The following PTBP1 variants were observed in gnomAD, a reference collection of about 807,000 sequenced individuals.
PTBP1 encodes the protein polypyrimidine tract binding protein 1, also known as polypyrimidine tract-binding protein 1.
Under a neutral mutation model 59.8 loss-of-function variants are expected in PTBP1, and 8 were observed. The ratio of observed to expected loss-of-function variants is 0.13; its 90% CI spans 0.08 to 0.24. The LOEUF is 0.24. PTBP1 is among the 10% of genes least tolerant of loss of function. The probability of loss-of-function intolerance (pLI) is 1.00; values close to 1 mark genes in which losing one functional copy is unlikely to be tolerated. For synonymous variants in PTBP1, 490 were observed against 320.7 expected (o/e 1.53, Z -5.64); for missense variants, 686 against 767.0 (o/e 0.89, Z 1.25).
chr19:804,113 A>C lies in PTBP1; in HGVS notation c.193A>C (p.Lys65Gln), dbSNP rs1290662477. The C allele has an allele frequency of 6.2e-7, 1 of 1,613,896 alleles. No individual in the cohort carries two copies. Among genetic ancestry groups the C allele is most frequent in the East Asian group, 2.2e-5 (1 of 44,882 alleles). Residue 65 changes from lysine (K) to glutamine (Q), a missense_variant, in exon 4 of 15, where the codon AAG becomes CAG. By Grantham distance (53) the Lys-to-Gln change is moderately conservative (BLOSUM62 1). Transcript: ENST00000356948. ...GVPSRVIHIRKLPIDVTEGEV... is the reference protein window; with the variant it reads ...GVPSRVIHIRQLPIDVTEGEV... Reference sequence around the variant, plus strand: ...CCCCTCTAGAGTGATCCACATCCGGAAGCTCCCCATCGACGTCACGGAGGG... The same window carrying C: ...CCCCTCTAGAGTGATCCACATCCGGCAGCTCCCCATCGACGTCACGGAGGG...
intron 1 of PTBP1, among the ~76,000 whole-genome samples, chr19:798,873 T>C (rs1206568389): frequency 6.6e-6 from 1 of 152,230 alleles, no homozygotes; most frequent in South Asian, 2.1e-4. Context: ...GGCTGTGTTC[T>C]GGTCGGTCTG....
intron 10 of PTBP1, 82 bp downstream of exon 10, chr19:806,638 C>G (rs774101777): frequency 7.5e-7 from 1 of 1,337,522 alleles, no homozygotes; most frequent in African/African-American, 1.6e-5. Context: ...GGTCCCGGAG[C>G]AGCGCCGCCC....
At chr19:806,186 G>C (rs933904973) in intron 9 of PTBP1, 5 of 481,640 alleles carry the variant, frequency 1.0e-5, no homozygotes, top group Middle Eastern at 5.4e-4. Context: ...GCCCAGGCCC[G>C]GCCCGGCCCG....
chr19:810,306 G>GAA (rs147256862), intron 13 of PTBP1, among the ~76,000 whole-genome samples: 20 of 150,348 alleles, frequency 1.3e-4, no homozygotes, highest in African/African-American at 2.4e-4. Flanking sequence ...ATTCCATCTG[G>GAA]AAAAAAAAAA....
chr19:806,135 C>CTTT (rs2034559545), intron 9 of PTBP1: 1 of 383,386 alleles, frequency 2.6e-6, no homozygotes, highest in Admixed American at 4.7e-5. Flanking sequence ...GCTGGCGGAG[C>CTTT]CGGAGCTTTT....
intron 13 of PTBP1, among the ~76,000 whole-genome samples, chr19:809,788 G>A (rs566958698): frequency 1.1e-3 from 172 of 152,270 alleles, no homozygotes; most frequent in Middle Eastern, 6.8e-3. Context: ...CAGCTCTTCC[G>A]GATTGGGAGG....
In PTBP1 at chr19:805,696, C is replaced by T. The variant is rs556190235; in HGVS notation, c.970+127C>T. 1.6e-4 allele frequency: 133 copies of T among 809,624 alleles called. 1 individual carries two copies. Among genetic ancestry groups the T allele is most frequent in the South Asian group, 1.5e-3 (101 of 67,120 alleles). 50.2% of individuals were successfully genotyped at this position (809,624 alleles called of 1,614,324 possible). A position where few individuals can be genotyped will look rare whatever the true frequency, so the allele number is the denominator to read the frequency against. On this transcript the variant is annotated intron_variant, in intron 9 of 14. Coordinates refer to ENST00000356948, the MANE Select transcript of PTBP1 (RefSeq NM_002819.5). ...CGAGTGCCAGGTCAGGGGCCCTTCCCGGGAGAGGGGACGCCACGTCCACAG... is the reference window on the plus strand; with the variant it reads ...CGAGTGCCAGGTCAGGGGCCCTTCCTGGGAGAGGGGACGCCACGTCCACAG...
rs144356088 is a variant in PTBP1 at position 811,930 on chromosome 19, TCTC to T, written c.*1105_*1107del. The T allele has an allele frequency of 0.39, 58,886 of 152,100 alleles. 11,659 individuals are homozygous for T. The highest frequency in any genetic ancestry group is 0.48 in the South Asian group (2,316 of 4,824). 9.4% of individuals were successfully genotyped at this position (152,100 alleles called of 1,614,324 possible). ...CGGAAGGCGGGCGCTCCTCCTGTCTTCTCTGTGCTCTTTCTACCGCCCCCGCGT... is the reference window on the plus strand; with the variant it reads ...CGGAAGGCGGGCGCTCCTCCTGTCTTTGTGCTCTTTCTACCGCCCCCGCGT... On this transcript the variant is annotated 3_prime_UTR_variant, in exon 15 of 15. Coordinates refer to ENST00000356948, the MANE Select transcript of PTBP1 (RefSeq NM_002819.5).
At chr19:797,712 C>A (rs2034132820) in intron 1 of PTBP1, among the ~76,000 whole-genome samples, 1 of 148,948 alleles carries the variant, frequency 6.7e-6, no homozygotes, top group Admixed American at 6.7e-5. Flanking sequence ...ATCCCCCGTC[C>A]GGCCCGCTTC....
chr19:805,471 T>C (rs1450650843), intron 8 of PTBP1, 21 bp from the exon 9 acceptor site: 2 of 1,601,600 alleles, frequency 1.2e-6, no homozygotes, highest in Non-Finnish European at 1.7e-6. Flanking sequence ...GTGCGATGAT[T>C]AGTGTCTCAT....
rs1227625623 is a variant in PTBP1, at chr19:810,552, C to G, written c.1473C>G (p.Val491=). 1 of 1,613,542 alleles carries G rather than the reference C, an allele frequency of 6.2e-7. No individual in the cohort carries two copies. The highest frequency in any genetic ancestry group is 8.5e-7 in the Non-Finnish European group (1 of 1,179,858). ...CTTTCTCCTCCCACAGGCCCTCAGTCTCCGAGGAGGATCTCAAGGTCCTGT... is the reference window on the plus strand; with the variant it reads ...CTTTCTCCTCCCACAGGCCCTCAGTGTCCGAGGAGGATCTCAAGGTCCTGT... The part of the protein sequence containing the change: ...TLHLSNIPPS[V]SEEDLKVLFS... Residue 491 remains valine, a synonymous_variant, in exon 14 of 15, where the codon GTC becomes GTG. Transcript: ENST00000356948.
intron 1 of PTBP1, among the ~76,000 whole-genome samples, chr19:797,774 C>T (rs1049623458): frequency 2.2e-4 from 33 of 148,604 alleles, no homozygotes; most frequent in Non-Finnish European, 3.5e-4. Flanking sequence ...CGCCCCTCCC[C>T]CTCCGCGCGC....
At chr19:797,549 G>C in intron 1 of PTBP1, 44 bp downstream of exon 1, 1 of 1,435,452 alleles carries the variant, frequency 7.0e-7, no homozygotes, top group Non-Finnish European at 9.2e-7. Flanking sequence ...TCCCCGCGCC[G>C]CAGCCCTGCC....
Position 811,204 on chromosome 19 carries a change from C to G in PTBP1, c.*378C>G. On this transcript the variant is annotated 3_prime_UTR_variant, in exon 15 of 15. Transcript: ENST00000356948. ...GCAGCCACACACCCACCCGGGGTGT[C>G]CTGGGGACCCAAGGGGTGGGGGGGT... 6.1e-6 allele frequency: 1 copy of G among 164,190 alleles called. No homozygotes were observed. The highest frequency in any genetic ancestry group is 6.4e-5 in the Admixed American group (1 of 15,522). The allele number at this position is 164,190 out of a possible 1,614,324, so 10.2% of individuals were successfully genotyped here.
Position 811,031 on chromosome 19 carries a change from CTG to C in PTBP1, c.*208_*209del, listed in dbSNP as rs1280549475. ...CAGGGACAGCTCAGGCTCTTGGTGA[CTG>C]TGGCAGCGGGAGTTCCCGGCCCTCC... On this transcript the variant is annotated 3_prime_UTR_variant, in exon 15 of 15. Coordinates refer to ENST00000356948, the MANE Select transcript of PTBP1 (RefSeq NM_002819.5). The C allele has an allele frequency of 1.3e-5, 7 of 527,762 alleles. No homozygotes were observed. Among genetic ancestry groups the C allele is most frequent in the Middle Eastern group, 5.0e-4 (1 of 1,998 alleles). 32.7% of individuals were successfully genotyped at this position (527,762 alleles called of 1,614,324 possible).
intron 10 of PTBP1, 110 bp from the exon 11 acceptor site, chr19:807,759 A>G: frequency 1.3e-6 from 1 of 797,052 alleles, no homozygotes; most frequent in Admixed American, 2.2e-5. Flanking sequence ...TCCATCAACC[A>G]CTGCACGCCT....
At chr19:800,807 T>C (rs1429304977) in intron 2 of PTBP1, among the ~76,000 whole-genome samples, 1 of 152,222 alleles carries the variant, frequency 6.6e-6, no homozygotes, top group South Asian at 2.1e-4. Flanking sequence ...GTGGGCCTGC[T>C]TTCCAGCTGG....
At chr19:797,708 C>T (rs1032484291) in intron 1 of PTBP1, among the ~76,000 whole-genome samples, 4 of 149,176 alleles carry the variant, frequency 2.7e-5, no homozygotes, top group East Asian at 2.0e-4. Flanking sequence ...CCCCATCCCC[C>T]GTCCGGCCCG....
At position 803,604 on chromosome 19, in the gene PTBP1, C is replaced by T. The variant is rs1380614511; in HGVS notation, c.83C>T (p.Pro28Leu). 26 of 1,614,046 alleles carry T rather than the reference C, an allele frequency of 1.6e-5. No homozygotes were observed. Among genetic ancestry groups the T allele is most frequent in the East Asian group, 2.2e-5 (1 of 44,896 alleles). Residue 28 changes from proline to leucine, a missense_variant, in exon 3 of 15, where the codon CCG becomes CTG. Physicochemically the swap from Pro to Leu is moderately conservative, Grantham distance 98 (BLOSUM62 -3). Transcript: ENST00000356948. ...TTCTCTACTTGTGTCACTAACGGAC[C>T]GTTTATCATGAGCAGCAACTCGGCT... ...ELFSTCVTNG[P>L]FIMSSNSASA...
Sources: allele counts gnomAD v4.1 joint callset (sites outside exome capture counted in the v4.1 genomes callset), GRCh38; gene constraint gnomAD v4.1.1; transcripts MANE v1.5; gene names NCBI Gene and HGNC (gene_info 2026-07-23, HGNC 2026-07-21).